The following CDH1 variants were observed in gnomAD, a reference collection of about 807,000 sequenced individuals.
The protein encoded by CDH1 is cadherin 1.
In CDH1, 35 loss-of-function variants were observed where a neutral mutation model predicts 84.5. That is an observed-to-expected ratio of 0.41 (90% CI 0.32 to 0.55). The LOEUF is 0.55. Ranked by LOEUF, CDH1 falls within the 20% of genes least tolerant of loss-of-function variation. The pLI, the probability that CDH1 is intolerant of heterozygous loss-of-function variation, is 0.19. For missense variants in CDH1, 994 were observed against 1,126.6 expected, an observed-to-expected ratio of 0.88 and a Z score of 1.68; for synonymous variants, 417 against 439.0, an observed-to-expected ratio of 0.95 and a Z score of 0.63.
rs2152142381 is a variant in CDH1, at chr16:68,829,743, C to A, written c.2385C>A (p.Pro795=). ...TTGCACCAACCCTCATGAGTGTCCC[C>A]CGGTATCTTCCCCGCCCTGCCAATC... ...NDVAPTLMSV[P]RYLPRPANPD... The change falls in exon 15 of 16, where the codon CCC becomes CCA. Residue 795 remains proline, a synonymous_variant. Coordinates refer to ENST00000261769, the MANE Select transcript of CDH1 (RefSeq NM_004360.5). The A allele has an allele frequency of 6.2e-7, 1 of 1,614,084 alleles. No individual in the cohort carries two copies. Among genetic ancestry groups the A allele is most frequent in the South Asian group, 1.1e-5 (1 of 91,074 alleles).
At chr16:68,747,929 A>T (rs185660610) in intron 2 of CDH1, among the ~76,000 whole-genome samples, 7 of 151,810 alleles carry the variant, frequency 4.6e-5, no homozygotes, top group African/African-American at 1.4e-4. Context: ...ACACCCGGCT[A>T]ATTTTTGTAT....
At chr16:68,811,095 C>T (rs1567506202) in intron 6 of CDH1, among the ~76,000 whole-genome samples, 1 of 151,742 alleles carries the variant, frequency 6.6e-6, no homozygotes, top group Non-Finnish European at 1.5e-5. Flanking sequence ...TTCTCTCCTC[C>T]ATAAAGATAA....
chr16:68,789,744 C>T (rs985721907), intron 2 of CDH1, among the ~76,000 whole-genome samples: 1 of 152,088 alleles, frequency 6.6e-6, no homozygotes, highest in African/African-American at 2.4e-5. Context: ...GAGGCAGGGG[C>T]CCTGGCTGAG....
chr16:68,825,801 A>ATG (rs1961305840), intron 13 of CDH1, among the ~76,000 whole-genome samples: 1 of 132,834 alleles, frequency 7.5e-6, no homozygotes, highest in East Asian at 2.2e-4. Flanking sequence ...TCTAAAGGGA[A>ATG]TCTTTTTTTT....
At chr16:68,759,060 T>G (rs918041125) in intron 2 of CDH1, among the ~76,000 whole-genome samples, 9 of 152,166 alleles carry the variant, frequency 5.9e-5, no homozygotes, top group African/African-American at 1.7e-4. Context: ...CCTCTCAAAG[T>G]GTTGGGATTA....
intron 2 of CDH1, among the ~76,000 whole-genome samples, chr16:68,758,809 A>ATTTT (rs71268475): frequency 2.8e-5 from 4 of 142,376 alleles, no homozygotes; most frequent in Non-Finnish European, 4.6e-5. Context: ...TTTGAGTGCA[A>ATTTT]TTTTTTTTTT....
chr16:68,760,092 T>A (rs957117731), intron 2 of CDH1, among the ~76,000 whole-genome samples: 107 of 124,544 alleles, frequency 8.6e-4, no homozygotes, highest in African/African-American at 1.9e-3. Flanking sequence ...ATATATTTTT[T>A]TTTTTTTTTT....
chr16:68,779,003 A>G (rs1012711619), intron 2 of CDH1, among the ~76,000 whole-genome samples: 1 of 152,200 alleles, frequency 6.6e-6, no homozygotes, highest in Non-Finnish European at 1.5e-5. Context: ...CTTTGGGAAC[A>G]GCCAGGTGGC....
chr16:68,759,768 A>G (rs1242564255), intron 2 of CDH1, among the ~76,000 whole-genome samples: 1 of 152,196 alleles, frequency 6.6e-6, no homozygotes, highest in Non-Finnish European at 1.5e-5. Flanking sequence ...ATTATAGATT[A>G]TAGGCGTGAG....
rs1567504968 is a variant in CDH1, at chr16:68,808,839, C to T, written c.678C>T (p.Ala226=). 2 of 1,613,940 alleles carry T rather than the reference C, an allele frequency of 1.2e-6. No individual in the cohort carries two copies. The highest frequency in any genetic ancestry group is 1.1e-5 in the South Asian group (1 of 91,076). The change falls in exon 5 of 16, where the codon GCC becomes GCT. Residue 226 remains alanine, a synonymous_variant. Transcript: ENST00000261769. ...VTEPLDRERI[A]TYTLFSHAVS... is the part of the protein sequence containing the mutation. The stretch of plus-strand genomic sequence containing the variant: ...AGCCTCTGGATAGAGAACGCATTGC[C>T]ACATACACTGTAAGTATCTCTTAGA...
At chr16:68,792,684 C>T (rs1229976158) in intron 2 of CDH1, among the ~76,000 whole-genome samples, 1 of 152,206 alleles carries the variant, frequency 6.6e-6, no homozygotes, top group East Asian at 1.9e-4. Flanking sequence ...CCAGTGTGAC[C>T]AAGTCGCTTG....
In CDH1 at chr16:68,829,635, C is replaced by T. The variant is rs764266486; in HGVS notation, c.2296-19C>T. On this transcript the variant is annotated intron_variant, in intron 14 of 15. Transcript: ENST00000261769. The stretch of plus-strand genomic sequence containing the variant: ...TTCTTTCCTACTCTTCATTGTACTT[C>T]AACCTTTTTTCTCCAAAGGACTTTG... 5 of 1,613,650 alleles carry T rather than the reference C, an allele frequency of 3.1e-6. No homozygotes were observed. The highest frequency in any genetic ancestry group is 3.4e-6 in the Non-Finnish European group (4 of 1,179,664).
At chr16:68,763,891 C>CA (rs913212105) in intron 2 of CDH1, among the ~76,000 whole-genome samples, 1 of 152,136 alleles carries the variant, frequency 6.6e-6, no homozygotes, top group Non-Finnish European at 1.5e-5. Context: ...AAAATAAGCC[C>CA]ATCCTGTGCT....
At chr16:68,802,935 C>T (rs1425900859) in intron 3 of CDH1, among the ~76,000 whole-genome samples, 1 of 152,122 alleles carries the variant, frequency 6.6e-6, no homozygotes, top group Non-Finnish European at 1.5e-5. Flanking sequence ...CTGGCCCATA[C>T]CAGGAACAGA....
At chr16:68,816,657 G>A (rs538643054) in intron 10 of CDH1, among the ~76,000 whole-genome samples, 3 of 152,282 alleles carry the variant, frequency 2.0e-5, no homozygotes, top group Non-Finnish European at 4.4e-5. Context: ...GCTGAGGCAC[G>A]AGAATCACTT....
intron 2 of CDH1, among the ~76,000 whole-genome samples, chr16:68,758,212 T>C (rs867219457): frequency 9.2e-5 from 11 of 120,072 alleles, no homozygotes; most frequent in South Asian, 6.1e-4. Flanking sequence ...TATTTCTTTT[T>C]TTTTTTTTTT....
chr16:68,806,935 T>C (rs1205477560), intron 3 of CDH1, among the ~76,000 whole-genome samples: 1 of 152,180 alleles, frequency 6.6e-6, no homozygotes, highest in African/African-American at 2.4e-5. Context: ...ATATCTCACA[T>C]GTATCTGGTG....
Position 68,833,428 on chromosome 16 carries a change from G to C in CDH1, c.2578G>C (p.Asp860His), listed in dbSNP as rs1412506259. 6.2e-7 allele frequency: 1 copy of C among 1,614,196 alleles called. No individual in the cohort carries two copies. Among genetic ancestry groups the C allele is most frequent in the South Asian group, 1.1e-5 (1 of 91,080 alleles). ...AGAGTCAGACAAAGACCAGGACTAT[G>C]ACTACTTGAACGAATGGGGCAATCG... The part of the protein sequence containing the change: ...SSESDKDQDY[D>H]YLNEWGNRFK... The change falls in exon 16 of 16, where the codon GAC becomes CAC. Residue 860 changes from aspartate (D) to histidine (H), a missense_variant. By Grantham distance (81) the Asp-to-His change is moderately conservative. Transcript: ENST00000261769.
At chr16:68,773,387 C>T (rs1353346921) in intron 2 of CDH1, among the ~76,000 whole-genome samples, 6 of 151,586 alleles carry the variant, frequency 4.0e-5, no homozygotes, top group Non-Finnish European at 7.4e-5. Flanking sequence ...ACTTCTGCCT[C>T]CCAGGTTCAA....
Sources: gnomAD v4.1 joint callset for allele counts (sites outside exome capture counted in the v4.1 genomes callset) on GRCh38, gnomAD v4.1.1 for gene constraint, MANE v1.5 for transcripts, NCBI Gene and HGNC (gene_info 2026-07-23, HGNC 2026-07-21) for gene names.